UBE2E1: variants seen among roughly 807,000 people sequenced by gnomAD.
UBE2E1 encodes ubiquitin-conjugating enzyme E2 E1.
In UBE2E1, 6 loss-of-function variants were observed where a neutral mutation model predicts 21.4. The observed-to-expected ratio is 0.28, with a 90% CI of 0.15 to 0.55. The LOEUF (loss-of-function observed/expected upper bound fraction) is 0.55, where lower values mean the gene tolerates loss of function less well. Ranked by LOEUF, UBE2E1 falls within the 20% of genes least tolerant of loss-of-function variation. UBE2E1 has a pLI of 0.93. For missense variants in UBE2E1, 142 were observed against 236.5 expected, an observed-to-expected ratio of 0.60 and a Z score of 2.62; for synonymous variants, 87 against 82.7, an observed-to-expected ratio of 1.05 and a Z score of -0.28.
intron 5 of UBE2E1, 25 bp from the exon 6 acceptor site, chr3:23,890,484 A>G (rs1213593191): frequency 3.7e-6 from 6 of 1,600,976 alleles, no homozygotes; most frequent in Non-Finnish European, 4.3e-6. Flanking sequence ...CTTTCTCCAA[A>G]GTAATCTACA....
intron 3 of UBE2E1, among the ~76,000 whole-genome samples, chr3:23,860,475 G>T (rs927050602): frequency 3.3e-5 from 5 of 152,080 alleles, no homozygotes; most frequent in Non-Finnish European, 5.9e-5. Flanking sequence ...TTCTGAGAGA[G>T]GTACAATTAG....
At chr3:23,812,353 G>C (rs1197730183) in intron 3 of UBE2E1, among the ~76,000 whole-genome samples, 1 of 152,196 alleles carries the variant, frequency 6.6e-6, no homozygotes, top group East Asian at 1.9e-4. Flanking sequence ...AAAGGGATGT[G>C]AGATTTCAGA....
chr3:23,821,047 C>A (rs1279067946), intron 3 of UBE2E1, among the ~76,000 whole-genome samples: 2 of 152,202 alleles, frequency 1.3e-5, no homozygotes, highest in African/African-American at 4.8e-5. Flanking sequence ...ATGAGTAGAT[C>A]AGATCGTAAT....
Position 23,832,323 on chromosome 3 carries a change from G to C in UBE2E1, c.203+20813G>C, listed in dbSNP as rs1044457607. 4.6e-5 allele frequency among the ~76,000 whole-genome samples: 7 copies of C among 152,306 alleles called. No individual in the cohort carries two copies. In the South Asian group the frequency reaches 1.0e-3, roughly 23 times the overall value. ...AGGAGAAGGGACTGTGTTTTTCCTG[G>C]AGGGAGGAGACCTGTAAAGAAAAAT... On this transcript the variant is annotated intron_variant, in intron 3 of 5. Transcript: ENST00000306627.
chr3:23,872,387 AG>A (rs1329020973), intron 3 of UBE2E1, among the ~76,000 whole-genome samples: 5 of 148,386 alleles, frequency 3.4e-5, no homozygotes, highest in Non-Finnish European at 7.4e-5. Flanking sequence ...GGAGGGGGAG[AG>A]GGAGAGGGAG....
intron 3 of UBE2E1, among the ~76,000 whole-genome samples, chr3:23,885,580 G>A (rs1185103544): frequency 1.3e-5 from 2 of 152,072 alleles, no homozygotes; most frequent in Non-Finnish European, 2.9e-5. Context: ...AAAATCTCTG[G>A]CCGGGTGCGA....
At chr3:23,868,154 C>CT (rs1053121161) in intron 3 of UBE2E1, among the ~76,000 whole-genome samples, 16 of 152,250 alleles carry the variant, frequency 1.1e-4, no homozygotes, top group African/African-American at 3.9e-4. Flanking sequence ...GAAAACTGGG[C>CT]TTAAATGAAA....
intron 3 of UBE2E1, among the ~76,000 whole-genome samples, chr3:23,829,557 C>T (rs1040394585): frequency 1.3e-5 from 2 of 152,122 alleles, no homozygotes; most frequent in Non-Finnish European, 2.9e-5. Flanking sequence ...CTGCCTCAAC[C>T]TCCCAAAGCA....
At chr3:23,843,748 T>C in intron 3 of UBE2E1, among the ~76,000 whole-genome samples, 1 of 152,176 alleles carries the variant, frequency 6.6e-6, no homozygotes, top group East Asian at 1.9e-4. Context: ...ACAATCCAAA[T>C]GACCCTCAGA....
intron 3 of UBE2E1, among the ~76,000 whole-genome samples, chr3:23,850,333 C>T (rs1700295802): frequency 6.6e-6 from 1 of 151,950 alleles, no homozygotes; most frequent in African/African-American, 2.4e-5. Flanking sequence ...GATAAAAGTA[C>T]TTTATTAGAT....
chr3:23,849,193 C>G (rs1700270378), intron 3 of UBE2E1, among the ~76,000 whole-genome samples: 1 of 152,078 alleles, frequency 6.6e-6, no homozygotes, highest in South Asian at 2.1e-4. Context: ...AGCTGCAAAA[C>G]TGTTTTCCTA....
chr3:23,883,377 CTCCCTATTCTTCTG>C (rs1403619940), intron 3 of UBE2E1, among the ~76,000 whole-genome samples: 1 of 152,120 alleles, frequency 6.6e-6, no homozygotes, highest in African/African-American at 2.4e-5. Flanking sequence ...CTGAGTCTTA[CTCCCTATTCTTCTG>C]ACACTGGCCT....
intron 3 of UBE2E1, among the ~76,000 whole-genome samples, chr3:23,843,717 T>A (rs1291905209): frequency 2.0e-5 from 2 of 102,354 alleles, no homozygotes; most frequent in Non-Finnish European, 4.1e-5. Flanking sequence ...CTTTAACAAC[T>A]GTGTGGCAGT....
intron 3 of UBE2E1, chr3:23,879,293 G>T (rs1700983405): frequency 6.8e-6 from 6 of 881,552 alleles, no homozygotes; most frequent in Non-Finnish European, 1.0e-5. Flanking sequence ...AGTGAAAAGG[G>T]ACTGTTTTAG....
Position 23,842,253 on chromosome 3 carries a change from T to TG in UBE2E1, c.203+30743_203+30744insG, listed in dbSNP as rs1559482500. 3.5e-5 allele frequency among the ~76,000 whole-genome samples: 2 copies of TG among 56,756 alleles called. No homozygotes were observed. The highest frequency in any genetic ancestry group is 3.6e-4 in the East Asian group (1 of 2,790). 37.2% of individuals were successfully genotyped at this position (56,756 alleles called of 152,430 possible). On this transcript the variant is annotated intron_variant, in intron 3 of 5. Transcript: ENST00000306627. The surrounding 1 kb of genome is among the most constrained non-coding windows in gnomAD (Gnocchi z 4.6). ...TGTGTGTGTGTGTGTGTGTGTGGTG[T>TG]TGTTGTTGTTGGCGACAGGGTCTCA...
chr3:23,806,439 CG>C lies in UBE2E1; in HGVS notation c.-34+356del, dbSNP rs1312585290. On this transcript the variant is annotated intron_variant, in intron 1 of 5. Transcript: ENST00000306627. The surrounding 1 kb of genome is among the most constrained non-coding windows in gnomAD (Gnocchi z 6.5). ...GGGGGAGCCCCGTTTTCCCCAGGGG[CG>C]GGGGTTCGCGGGGATTAACCCCTCC... 6.6e-6 allele frequency among the ~76,000 whole-genome samples: 1 copy of C among 151,446 alleles called. No individual in the cohort carries two copies. The highest frequency in any genetic ancestry group is 6.6e-5 in the Admixed American group (1 of 15,258).
In UBE2E1 at chr3:23,863,391, C is replaced by T. The variant is rs28681340; in HGVS notation, c.204-24176C>T. Among the ~76,000 whole-genome samples, 8,839 of 152,038 alleles carry T rather than the reference C, an allele frequency of 0.058. 704 individuals are homozygous for T. The highest frequency in any genetic ancestry group is 0.18 in the African/African-American group (7,621 of 41,424). On this transcript the variant is annotated intron_variant, in intron 3 of 5. Transcript: ENST00000306627. The surrounding 1 kb of genome is among the most constrained non-coding windows in gnomAD (Gnocchi z 4.3). ...CCCCAAGTTATTCTCTCACCTTTTC[C>T]CCTCTCCCTTTCTCCCTCTGTGCCC...
chr3:23,809,659 C>T (rs1241802781), intron 2 of UBE2E1, among the ~76,000 whole-genome samples: 1 of 152,126 alleles, frequency 6.6e-6, no homozygotes, highest in Non-Finnish European at 1.5e-5. Context: ...AAACAACTAC[C>T]TTTTTTTGTG....
chr3:23,863,687 C>T lies in UBE2E1; in HGVS notation c.204-23880C>T, dbSNP rs967827934. 7.2e-5 allele frequency among the ~76,000 whole-genome samples: 11 copies of T among 152,088 alleles called. No homozygotes were observed. The highest frequency in any genetic ancestry group is 1.7e-4 in the African/African-American group (7 of 41,402). ...CTGAGATTACAGGCATGCGCCACCA[C>T]GCCTGGCTAATTTTCTATTTTTAGT... On this transcript the variant is annotated intron_variant, in intron 3 of 5. Transcript: ENST00000306627. This position sits in a 1 kb window ranked among gnomAD's most constrained non-coding sequence, Gnocchi z 4.3.
Sources: allele counts gnomAD v4.1 joint callset (sites outside exome capture counted in the v4.1 genomes callset), GRCh38; gene constraint gnomAD v4.1.1; non-coding constraint Gnocchi (gnomAD v3.1); transcripts MANE v1.5; gene names NCBI Gene and HGNC (gene_info 2026-07-23, HGNC 2026-07-21).